The following TENM2 variants were observed in gnomAD, a reference collection of about 807,000 sequenced individuals.
TENM2 encodes teneurin-2.
A neutral mutation model predicts 245.2 loss-of-function variants in TENM2; 52 were observed. That is an observed-to-expected ratio of 0.21 (90% confidence interval 0.17 to 0.27). The LOEUF (loss-of-function observed/expected upper bound fraction) is 0.27. Ranked by LOEUF, TENM2 falls within the 10% of genes least tolerant of loss-of-function variation. TENM2 has a pLI of 1.00. For missense variants in TENM2, 3,046 were observed against 3,666.8 expected, an observed-to-expected ratio of 0.83 and a Z score of 4.37; for synonymous variants, 1,363 against 1,438.9, an observed-to-expected ratio of 0.95 and a Z score of 1.19.
chr5:167,991,100 A>C (rs1250338244), intron 4 of TENM2, among the ~76,000 whole-genome samples: 2 of 152,172 alleles, frequency 1.3e-5, no homozygotes, highest in East Asian at 3.9e-4. Context: ...TAATAATAGT[A>C]CCCACCTGGT....
At chr5:167,142,460 C>A in the TENM2 span, among the ~76,000 whole-genome samples, 2 of 151,324 alleles carry the variant, frequency 1.3e-5, no homozygotes, top group Non-Finnish European at 2.9e-5. Flanking sequence ...CAACTTTTAT[C>A]CATATATATA....
intron 2 of TENM2, among the ~76,000 whole-genome samples, chr5:167,749,443 G>T (rs1471252899): frequency 2.0e-5 from 3 of 152,098 alleles, no homozygotes; most frequent in Non-Finnish European, 4.4e-5. Context: ...TTCAAGACCA[G>T]CCTGGCCAAC....
rs557962311 is a variant in TENM2 at position 167,876,255 on chromosome 5, C to T, written c.712+60C>T. The T allele has an allele frequency of 7.2e-6, 10 of 1,381,494 alleles. 1 individual carries two copies. The South Asian group carries it at 1.1e-4, about 16-fold the overall frequency. 85.6% of individuals were successfully genotyped at this position (1,381,494 alleles called of 1,614,324 possible). A position where few individuals can be genotyped will look rare whatever the true frequency, so the allele number is the denominator to read the frequency against. On this transcript the variant is annotated intron_variant, in intron 3 of 28. Coordinates refer to ENST00000518659, the Ensembl canonical transcript of TENM2. Reference sequence around the variant, plus strand: ...TTTCGTGAGTGACATTCTTGATTCTCCACCAAAATGACAATGCTGAAACAA... The same window carrying T: ...TTTCGTGAGTGACATTCTTGATTCTTCACCAAAATGACAATGCTGAAACAA...
chr5:167,544,766 T>C (rs752760096), intron 2 of TENM2, among the ~76,000 whole-genome samples: 25 of 152,220 alleles, frequency 1.6e-4, no homozygotes, highest in Non-Finnish European at 2.5e-4. Flanking sequence ...CCTTCCCTCA[T>C]GGAGCTGATA....
At chr5:168,086,605 A>G (rs1193786172) in intron 7 of TENM2, among the ~76,000 whole-genome samples, 1 of 152,176 alleles carries the variant, frequency 6.6e-6, no homozygotes, top group Non-Finnish European at 1.5e-5. Flanking sequence ...GCCGGTGCAC[A>G]GACACATCCT....
chr5:167,943,116 C>G (rs1159596659), intron 3 of TENM2, among the ~76,000 whole-genome samples: 3 of 152,162 alleles, frequency 2.0e-5, no homozygotes, highest in African/African-American at 7.2e-5. Context: ...AACTTTTGTT[C>G]CCTTGCCCTA....
the TENM2 span, among the ~76,000 whole-genome samples, chr5:167,242,587 G>A: frequency 6.2e-4 from 94 of 152,268 alleles, no homozygotes; most frequent in Non-Finnish European, 1.2e-3. Flanking sequence ...AGAAGATGAT[G>A]AGGATGAAGA....
At chr5:167,382,824 A>T (rs533963930) in intron 2 of TENM2, among the ~76,000 whole-genome samples, 3 of 152,316 alleles carry the variant, frequency 2.0e-5, no homozygotes, top group Admixed American at 2.0e-4. Flanking sequence ...ATAGACTATG[A>T]CACATTCAAT....
chr5:167,073,514 T>C, the TENM2 span, among the ~76,000 whole-genome samples: 7 of 152,208 alleles, frequency 4.6e-5, no homozygotes, highest in African/African-American at 9.6e-5. Context: ...TAATTTGTAC[T>C]GCCATTTTCT....
chr5:167,700,870 T>TA (rs1384034939), intron 2 of TENM2, among the ~76,000 whole-genome samples: 2 of 145,294 alleles, frequency 1.4e-5, no homozygotes, highest in Admixed American at 7.4e-5. Flanking sequence ...CCTTTTAGTA[T>TA]AACGTGCACT....
chr5:167,966,676 T>G (rs1354616525), intron 4 of TENM2, among the ~76,000 whole-genome samples: 1 of 152,166 alleles, frequency 6.6e-6, no homozygotes, highest in African/African-American at 2.4e-5. Flanking sequence ...ATTCCAAACT[T>G]GTTCTCAGAT....
chr5:167,296,538 A>C (rs1269227655), intron 1 of TENM2: 1 of 147,616 alleles, frequency 6.8e-6, no homozygotes, highest in African/African-American at 2.6e-5. Flanking sequence ...ATACTACTTT[A>C]ATGTCCTCAA....
chr5:167,246,904 C>A, the TENM2 span, among the ~76,000 whole-genome samples: 1 of 152,018 alleles, frequency 6.6e-6, no homozygotes, highest in Non-Finnish European at 1.5e-5. Context: ...GGATCATCCA[C>A]TTACCCGTCT....
intron 4 of TENM2, among the ~76,000 whole-genome samples, chr5:167,982,961 A>T (rs1349157006): frequency 6.6e-6 from 1 of 152,178 alleles, no homozygotes; most frequent in East Asian, 1.9e-4. Context: ...GAGGGTGTGC[A>T]TTTTTTCTTC....
intron 15 of TENM2, among the ~76,000 whole-genome samples, chr5:168,197,714 A>G (rs1054288992): frequency 2.8e-4 from 43 of 152,060 alleles, no homozygotes; most frequent in African/African-American, 1.0e-3. Context: ...AAAAAAAAAA[A>G]AAAAGATGAA....
the TENM2 span, among the ~76,000 whole-genome samples, chr5:167,097,663 G>A: frequency 6.6e-6 from 1 of 152,206 alleles, no homozygotes; most frequent in African/African-American, 2.4e-5. Flanking sequence ...GCAAGACAAT[G>A]ATGTCAAAGG....
At chr5:167,181,466 T>TTGTGTGTG in the TENM2 span, among the ~76,000 whole-genome samples, 9,797 of 122,340 alleles carry the variant, frequency 0.08, 443 homozygotes, top group African/African-American at 0.086. Context: ...AGCCGCTCGT[T>TTGTGTGTG]TGTGTGTGTG....
chr5:167,782,407 G>T (rs1350150663), intron 2 of TENM2, among the ~76,000 whole-genome samples: 8 of 151,098 alleles, frequency 5.3e-5, no homozygotes, highest in Admixed American at 5.3e-4. Flanking sequence ...CATCAAACTT[G>T]GCCTCTAAAG....
At chr5:167,477,053 A>G (rs1263511826) in intron 2 of TENM2, among the ~76,000 whole-genome samples, 5 of 152,206 alleles carry the variant, frequency 3.3e-5, no homozygotes, top group African/African-American at 1.2e-4. Context: ...CAGAACTAAA[A>G]CAATCATACA....
Sources: gnomAD v4.1 joint callset for allele counts (sites outside exome capture counted in the v4.1 genomes callset) on GRCh38, gnomAD v4.1.1 for gene constraint, MANE v1.5 for transcripts, NCBI Gene and HGNC (gene_info 2026-07-23, HGNC 2026-07-21) for gene names.